EML6: variants seen among roughly 807,000 people sequenced by gnomAD.
EML6 encodes EMAP like 6.
EML6 carries 154 observed loss-of-function variants against 240.1 expected under a neutral mutation model. The ratio of observed to expected loss-of-function variants is 0.64; its 90% CI spans 0.56 to 0.73. EML6 has a LOEUF of 0.73. EML6 is among the 30% of genes least tolerant of loss of function. EML6 has a pLI of 0.00. For missense variants in EML6, 2,964 were observed against 2,474.6 expected (o/e 1.20, Z -4.20); for synonymous variants, 1,148 against 899.0 (o/e 1.28, Z -4.95).
rs1676852184 is a variant in EML6, at chr2:54,968,596, T to C, written c.5752-72T>C. ...AGGTTCTGGGAGCAGGGGATTTGAG[T>C]GCTGGAAGTAGTCTGTGGTTGCTGA... On this transcript the variant is annotated intron_variant, in intron 40 of 41. Coordinates refer to ENST00000356458, the MANE Select transcript of EML6 (RefSeq NM_001039753.4). 7 of 870,882 alleles carry C rather than the reference T, an allele frequency of 8.0e-6. No homozygotes were observed. In the South Asian group the frequency reaches 8.9e-5, roughly 11 times the overall value. 53.9% of individuals were successfully genotyped at this position (870,882 alleles called of 1,614,324 possible).
chr2:54,904,947 G>A (rs1024984725), intron 24 of EML6, among the ~76,000 whole-genome samples: 2 of 152,208 alleles, frequency 1.3e-5, no homozygotes, highest in Non-Finnish European at 2.9e-5. Context: ...CTGGAATTTG[G>A]ACTTTATTTC....
rs751824873 is a variant in EML6, at chr2:54,894,939, G to A, written c.2767G>A (p.Gly923Ser). 1.5e-5 allele frequency: 23 copies of A among 1,551,154 alleles called. 1 individual carries two copies. Among genetic ancestry groups the A allele is most frequent in the South Asian group, 1.4e-4 (12 of 84,038 alleles). ...GGGCTTTGTAACAGGTGGAAAGGAC[G>A]GCATCGTGGAGCTCTGGGATGATAT... ...DKGFVTGGKD[G>S]IVELWDDMFE... Residue 923 changes from glycine (G) to serine (S), a missense_variant, in exon 20 of 42, where the codon GGC becomes AGC. Gly to Ser is a moderately conservative substitution (Grantham distance 56, BLOSUM62 0). Coordinates refer to ENST00000356458, the MANE Select transcript of EML6 (RefSeq NM_001039753.4).
chr2:54,887,189 C>T (rs942372589), intron 17 of EML6, among the ~76,000 whole-genome samples: 1 of 152,166 alleles, frequency 6.6e-6, no homozygotes, highest in African/African-American at 2.4e-5. Flanking sequence ...TTGACCTGAT[C>T]CTTTCATTAT....
chr2:54,757,142 C>G (rs1667770453), intron 2 of EML6, among the ~76,000 whole-genome samples: 1 of 151,090 alleles, frequency 6.6e-6, no homozygotes, highest in African/African-American at 2.4e-5. Flanking sequence ...TTAATTATGT[C>G]CCTCCCTTAT....
At chr2:54,847,740 G>C in intron 9 of EML6, 117 bp downstream of exon 9, 1 of 1,027,372 alleles carries the variant, frequency 9.7e-7, no homozygotes, top group South Asian at 1.7e-5. Context: ...ATTCAAATAG[G>C]AATACTATAG....
intron 22 of EML6, among the ~76,000 whole-genome samples, chr2:54,901,368 A>G (rs1673048325): frequency 6.6e-6 from 1 of 152,176 alleles, no homozygotes; most frequent in Admixed American, 6.5e-5. Flanking sequence ...TCTAAGTCCA[A>G]AGCCCATGCT....
chr2:54,955,397 G>A (rs1676185043), intron 32 of EML6, among the ~76,000 whole-genome samples: 2 of 152,108 alleles, frequency 1.3e-5, no homozygotes, highest in African/African-American at 4.8e-5. Flanking sequence ...AAGGGGTGTG[G>A]CTTTCAAGGA....
chr2:54,842,361 A>C (rs1037952239), intron 7 of EML6, among the ~76,000 whole-genome samples: 10 of 152,238 alleles, frequency 6.6e-5, no homozygotes, highest in African/African-American at 2.2e-4. Context: ...CTGCTTCCTT[A>C]GTCAAATACT....
At chr2:54,912,527 G>C (rs749852628) in intron 25 of EML6, among the ~76,000 whole-genome samples, 7 of 152,160 alleles carry the variant, frequency 4.6e-5, no homozygotes, top group Non-Finnish European at 1.0e-4. Context: ...AGAGAGCACA[G>C]TACCTAGTAG....
intron 28 of EML6, among the ~76,000 whole-genome samples, chr2:54,932,968 C>G (rs977238039): frequency 1.3e-5 from 2 of 152,168 alleles, no homozygotes; most frequent in African/African-American, 4.8e-5. Context: ...GTTTACACAC[C>G]TAAGTATGCA....
chr2:54,770,140 A>G (rs750121430), intron 2 of EML6, among the ~76,000 whole-genome samples: 12 of 152,200 alleles, frequency 7.9e-5, no homozygotes, highest in Non-Finnish European at 1.8e-4. Flanking sequence ...AGTCTTGGGC[A>G]GTTTTCTAAC....
intron 26 of EML6, among the ~76,000 whole-genome samples, chr2:54,924,545 ATT>A (rs1037189930): frequency 1.3e-5 from 2 of 151,398 alleles, no homozygotes; most frequent in Non-Finnish European, 3.0e-5. Flanking sequence ...AAAATCACTT[ATT>A]TTTTTTTAAA....
At chr2:54,901,786 G>GC (rs1391903086) in intron 22 of EML6, among the ~76,000 whole-genome samples, 2 of 152,214 alleles carry the variant, frequency 1.3e-5, no homozygotes, top group Non-Finnish European at 2.9e-5. Context: ...CTGGCACAAG[G>GC]CCACCTGGCT....
chr2:54,874,996 C>T (rs964542852), intron 16 of EML6, among the ~76,000 whole-genome samples: 1 of 152,124 alleles, frequency 6.6e-6, no homozygotes, highest in Non-Finnish European at 1.5e-5. Context: ...TCCTAGGTGT[C>T]AGGCCTCCTC....
intron 22 of EML6, among the ~76,000 whole-genome samples, chr2:54,901,443 T>A (rs1673051697): frequency 6.6e-6 from 1 of 152,154 alleles, no homozygotes; most frequent in Non-Finnish European, 1.5e-5. Context: ...ATAGGCCAAG[T>A]CCTCACTGTG....
At chr2:54,936,786 T>C (rs886757938) in intron 28 of EML6, among the ~76,000 whole-genome samples, 81 of 152,324 alleles carry the variant, frequency 5.3e-4, no homozygotes, top group African/African-American at 1.9e-3. Flanking sequence ...TATAGCATTT[T>C]TCACCTGTCA....
intron 29 of EML6, among the ~76,000 whole-genome samples, chr2:54,950,448 C>T (rs890029412): frequency 3.3e-5 from 5 of 152,186 alleles, no homozygotes; most frequent in African/African-American, 1.2e-4. Flanking sequence ...AGACTGCCAC[C>T]CCAGCATTTC....
intron 26 of EML6, among the ~76,000 whole-genome samples, chr2:54,926,487 G>A (rs181690577): frequency 7.1e-4 from 108 of 152,356 alleles, no homozygotes; most frequent in Admixed American, 1.4e-3. Flanking sequence ...TCTGATGGGT[G>A]TAACAAGTGC....
At chr2:54,744,441 G>A (rs193286135) in intron 2 of EML6, among the ~76,000 whole-genome samples, 234 of 152,272 alleles carry the variant, frequency 1.5e-3, no homozygotes, top group South Asian at 4.1e-3. Context: ...GTGAGCCATG[G>A]AAGCTTTGAA....
Sources: gnomAD v4.1 joint callset for allele counts (sites outside exome capture counted in the v4.1 genomes callset) on GRCh38, gnomAD v4.1.1 for gene constraint, MANE v1.5 for transcripts, NCBI Gene and HGNC (gene_info 2026-07-23, HGNC 2026-07-21) for gene names.